The following CAMTA1 variants were observed in gnomAD, a reference collection of about 807,000 sequenced individuals.
The protein encoded by CAMTA1 is calmodulin-binding transcription activator 1.
In CAMTA1, 27 loss-of-function variants were observed where a neutral mutation model predicts 170.9. The ratio of observed to expected loss-of-function variants is 0.16; its 90% CI spans 0.12 to 0.22. The LOEUF (loss-of-function observed/expected upper bound fraction) is 0.22. Ranked by LOEUF, CAMTA1 falls within the 10% of genes least tolerant of loss-of-function variation. The pLI is 1.00. For synonymous variants in CAMTA1, 833 were observed against 891.5 expected, an observed-to-expected ratio of 0.93 and a Z score of 1.17; for missense variants, 1,619 against 2,217.2, an observed-to-expected ratio of 0.73 and a Z score of 5.42.
At chr1:7,034,991 A>G (rs1014958342) in intron 3 of CAMTA1, among the ~76,000 whole-genome samples, 19 of 152,208 alleles carry the variant, frequency 1.2e-4, no homozygotes, top group Non-Finnish European at 2.9e-5. Context: ...TCAGTCACAC[A>G]AATGCTTTTC....
Position 7,044,897 on chromosome 1 carries a change from TA to T in CAMTA1, c.235-46396del, listed in dbSNP as rs33927662. 0.86 allele frequency among the ~76,000 whole-genome samples: 128,510 copies of T among 150,098 alleles called. 55,191 individuals are homozygous for T. The highest frequency in any genetic ancestry group is 0.93 in the African/African-American group (37,956 of 40,810). ...CCCATTAACATCCCGCCATTTTGAT[TA>T]AAAAAAAAAATCCCCCAAAATAAAA... On this transcript the variant is annotated intron_variant, in intron 3 of 22. Coordinates refer to ENST00000303635, the MANE Select transcript of CAMTA1 (RefSeq NM_015215.4). This position sits in a 1 kb window ranked among gnomAD's most constrained non-coding sequence, Gnocchi z 5.0.
intron 3 of CAMTA1, among the ~76,000 whole-genome samples, chr1:6,832,324 G>C (rs1310611160): frequency 3.3e-5 from 5 of 152,092 alleles, no homozygotes; most frequent in Non-Finnish European, 7.4e-5. Context: ...CAATCTGCTT[G>C]CCTTGGCCCC....
chr1:6,956,573 C>A (rs780726072), intron 3 of CAMTA1, among the ~76,000 whole-genome samples: 1 of 152,130 alleles, frequency 6.6e-6, no homozygotes, highest in Non-Finnish European at 1.5e-5. Context: ...AACAGCTGCA[C>A]AATTAGGCTA....
intron 5 of CAMTA1, among the ~76,000 whole-genome samples, chr1:7,444,864 T>C (rs1428975458): frequency 6.6e-6 from 1 of 152,150 alleles, no homozygotes; most frequent in East Asian, 1.9e-4. Context: ...CAACAAGCAA[T>C]TGAGCACCTA....
chr1:7,749,128 C>T (rs934071663), intron 19 of CAMTA1, among the ~76,000 whole-genome samples: 1 of 152,120 alleles, frequency 6.6e-6, no homozygotes, highest in African/African-American at 2.4e-5. Context: ...ATTCGAGAAC[C>T]TTTTATCAGA....
At chr1:7,706,310 T>C (rs551018407) in intron 11 of CAMTA1, among the ~76,000 whole-genome samples, 1 of 152,358 alleles carries the variant, frequency 6.6e-6, no homozygotes, top group South Asian at 2.1e-4. Flanking sequence ...GAATGCATTA[T>C]ATTTTTTCCA....
chr1:7,097,258 T>G (rs548752126), intron 4 of CAMTA1, among the ~76,000 whole-genome samples: 12 of 152,326 alleles, frequency 7.9e-5, no homozygotes, highest in African/African-American at 2.9e-4. Flanking sequence ...CTTTTATCTC[T>G]TCACAGCCTG....
intron 1 of CAMTA1, among the ~76,000 whole-genome samples, chr1:6,795,407 T>C (rs1392023089): frequency 1.3e-5 from 2 of 152,114 alleles, no homozygotes; most frequent in East Asian, 1.9e-4. Context: ...TTGCCCAGGC[T>C]GGTCTTGAAC....
rs569397384 is a variant in CAMTA1 at position 7,390,139 on chromosome 1, G to A, written c.439-77691G>A. 1.0e-3 allele frequency among the ~76,000 whole-genome samples: 152 copies of A among 152,308 alleles called. 1 individual carries two copies. Among genetic ancestry groups the A allele is most frequent in the African/African-American group, 3.3e-3 (139 of 41,560 alleles). ...GCTGGTTCCTTCCCACTTCTGCCCA[G>A]TCACTTCCCCACCCTCTGAGGACCC... On this transcript the variant is annotated intron_variant, in intron 5 of 22. Transcript: ENST00000303635.
rs563783724 is a variant in CAMTA1, at chr1:7,470,124, A to G, written c.510+2223A>G. On this transcript the variant is annotated intron_variant, in intron 6 of 22. Coordinates refer to ENST00000303635, the MANE Select transcript of CAMTA1 (RefSeq NM_015215.4). ...AAGCCTGGGGGAGCCATCCCTCCCC[A>G]TCCCTCTCCTCTGTGTCCTCCAGCA... Among the ~76,000 whole-genome samples the G allele has an allele frequency of 3.1e-3, 476 of 152,224 alleles. 3 individuals are homozygous for G. Among genetic ancestry groups the G allele is most frequent in the Non-Finnish European group, 4.3e-3 (291 of 68,010 alleles).
rs371304809 is a variant in CAMTA1, at chr1:7,128,717, C to T, written c.302+37346C>T. Reference sequence around the variant, plus strand: ...TCACCCAGGCTGGAGTGCAGTGGCACGATCTCAGCTCACTGCAGTCTCTGC... The same window carrying T: ...TCACCCAGGCTGGAGTGCAGTGGCATGATCTCAGCTCACTGCAGTCTCTGC... On this transcript the variant is annotated intron_variant, in intron 4 of 22. Transcript: ENST00000303635. Among the ~76,000 whole-genome samples the T allele has an allele frequency of 1.5e-3, 229 of 151,384 alleles. 3 individuals carry two copies. The South Asian group carries it at 0.028, about 18-fold the overall frequency.
intron 5 of CAMTA1, among the ~76,000 whole-genome samples, chr1:7,309,839 C>T (rs910096036): frequency 1.3e-5 from 2 of 151,918 alleles, no homozygotes; most frequent in Non-Finnish European, 2.9e-5. Flanking sequence ...GATTCCTTTA[C>T]TCCCTCACCC....
At chr1:7,196,974 A>C (rs1655639056) in intron 4 of CAMTA1, among the ~76,000 whole-genome samples, 1 of 152,242 alleles carries the variant, frequency 6.6e-6, no homozygotes, top group Admixed American at 6.5e-5. Context: ...TTGGCACACA[A>C]GGCAGAACTT....
Position 7,173,536 on chromosome 1 carries a change from T to C in CAMTA1, c.303-75955T>C, listed in dbSNP as rs1314288819. Among the ~76,000 whole-genome samples the C allele has an allele frequency of 6.6e-6, 1 of 152,040 alleles. No individual in the cohort carries two copies. The highest frequency in any genetic ancestry group is 1.5e-5 in the Non-Finnish European group (1 of 68,004). On this transcript the variant is annotated intron_variant, in intron 4 of 22. Coordinates refer to ENST00000303635, the MANE Select transcript of CAMTA1 (RefSeq NM_015215.4). The surrounding 1 kb of genome is among the most constrained non-coding windows in gnomAD (Gnocchi z 5.4). Reference sequence around the variant, plus strand: ...TCAAGTAGCTGGGATTACAGGCACGTGCCACCACACCAGGCTAATTTTGTA... The same window carrying C: ...TCAAGTAGCTGGGATTACAGGCACGCGCCACCACACCAGGCTAATTTTGTA...
chr1:7,574,692 G>A (rs1285931328), intron 6 of CAMTA1, among the ~76,000 whole-genome samples: 4 of 152,326 alleles, frequency 2.6e-5, no homozygotes, highest in East Asian at 1.9e-4. Context: ...CAAGCCAACC[G>A]GCTAACCTCA....
At chr1:7,464,116 T>C (rs1298794708) in intron 5 of CAMTA1, among the ~76,000 whole-genome samples, 1 of 152,220 alleles carries the variant, frequency 6.6e-6, no homozygotes, top group Non-Finnish European at 1.5e-5. Flanking sequence ...ATTCAAAGGT[T>C]GCTTTCATCT....
At chr1:6,871,815 T>G in intron 3 of CAMTA1, 1 of 1,527,308 alleles carries the variant, frequency 6.5e-7, no homozygotes, top group Non-Finnish European at 8.7e-7. Flanking sequence ...CCCTTCACCT[T>G]TGATCCCCTG....
At chr1:7,046,174 A>C (rs1283825068) in intron 3 of CAMTA1, among the ~76,000 whole-genome samples, 1 of 152,188 alleles carries the variant, frequency 6.6e-6, no homozygotes, top group Non-Finnish European at 1.5e-5. Flanking sequence ...TTTAAATTGA[A>C]AATTTCATTT....
intron 5 of CAMTA1, among the ~76,000 whole-genome samples, chr1:7,323,977 G>T (rs1198222473): frequency 2.6e-5 from 4 of 152,156 alleles, no homozygotes; most frequent in Non-Finnish European, 4.4e-5. Flanking sequence ...ATGTTCTGTG[G>T]TGCAATGCCC....
Sources: allele counts gnomAD v4.1 joint callset (sites outside exome capture counted in the v4.1 genomes callset), GRCh38; gene constraint gnomAD v4.1.1; non-coding constraint Gnocchi (gnomAD v3.1); transcripts MANE v1.5; gene names NCBI Gene and HGNC (gene_info 2026-07-23, HGNC 2026-07-21).